The following SLC9A3 variants were observed in gnomAD, a reference collection of about 807,000 sequenced individuals.
The protein encoded by SLC9A3 is solute carrier family 9 member A3.
In SLC9A3, 37 loss-of-function variants were observed where a neutral mutation model predicts 86.8. The observed-to-expected ratio is 0.43, with a 90% CI of 0.33 to 0.56. The LOEUF is 0.56. SLC9A3 is among the 20% of genes least tolerant of loss of function. The pLI is 0.06. For missense variants in SLC9A3, 1,011 were observed against 1,171.9 expected, an observed-to-expected ratio of 0.86 and a Z score of 2.00; for synonymous variants, 581 against 528.3, an observed-to-expected ratio of 1.10 and a Z score of -1.37.
At chr5:475,981 G>A in intron 14 of SLC9A3, 39 bp downstream of exon 14, 1 of 1,515,492 alleles carries the variant, frequency 6.6e-7, no homozygotes, top group Non-Finnish European at 9.0e-7. Flanking sequence ...GGAGGTGGTG[G>A]CTCCCAGTCC....
At chr5:493,699 G>C (rs1579797877) in intron 1 of SLC9A3, among the ~76,000 whole-genome samples, 1 of 152,250 alleles carries the variant, frequency 6.6e-6, no homozygotes, top group African/African-American at 2.4e-5. Flanking sequence ...TGCTGCTCCA[G>C]ATTCCAAAAC....
chr5:496,192 G>A lies in SLC9A3; in HGVS notation c.212-4121C>T. Among the ~76,000 whole-genome samples the A allele has an allele frequency of 6.6e-6, 1 of 152,280 alleles. No individual in the cohort carries two copies. Among genetic ancestry groups the A allele is most frequent in the East Asian group, 1.9e-4 (1 of 5,208 alleles). On this transcript the variant is annotated intron_variant, in intron 1 of 16. Coordinates refer to ENST00000264938, the MANE Select transcript of SLC9A3 (RefSeq NM_004174.4). The surrounding 1 kb of genome is among the most constrained non-coding windows in gnomAD (Gnocchi z 4.7). ...TGGAACATTCTGCCATCCGGGGTTG[G>A]AAAGGGTGTTGGACACGCCTTTCCC...
At position 475,145 on chromosome 5, in the gene SLC9A3, G is replaced by A. The variant is rs760091656; in HGVS notation, c.2252-13C>T. 3 of 1,560,478 alleles carry A rather than the reference G, an allele frequency of 1.9e-6. No individual in the cohort carries two copies. Among genetic ancestry groups the A allele is most frequent in the African/African-American group, 2.7e-5 (2 of 73,600 alleles). The stretch of plus-strand genomic sequence containing the variant: ...GGGTTGTCAATTCCTAGGAGAGAGG[G>A]CAGCGGCTAGTCAGCCTTCGGAGAG... On this transcript the variant is annotated splice_polypyrimidine_tract_variant and intron_variant, in intron 15 of 16. Coordinates refer to ENST00000264938, the MANE Select transcript of SLC9A3 (RefSeq NM_004174.4).
chr5:482,346 A>C (rs1013712230), intron 7 of SLC9A3, among the ~76,000 whole-genome samples, 189 bp from the exon 8 acceptor site: 1 of 152,108 alleles, frequency 6.6e-6, no homozygotes, highest in African/African-American at 2.4e-5. Context: ...TCCACCAGCG[A>C]AGGCCCGGGA....
chr5:495,111 C>T (rs183050689), intron 1 of SLC9A3, among the ~76,000 whole-genome samples: 1 of 131,030 alleles, frequency 7.6e-6, no homozygotes, highest in Non-Finnish European at 1.8e-5. Context: ...GCGCCGTGGC[C>T]GCAGGTCAGA....
intron 3 of SLC9A3, among the ~76,000 whole-genome samples, chr5:487,908 T>C (rs1210991008): frequency 6.6e-6 from 1 of 152,146 alleles, no homozygotes; most frequent in Non-Finnish European, 1.5e-5. Context: ...CCTCAGGTGA[T>C]CCACCTGCCT....
In SLC9A3 at chr5:484,702, G is replaced by A. The variant is rs552808179; in HGVS notation, c.755-5C>T. 2.7e-5 allele frequency: 43 copies of A among 1,612,484 alleles called. No individual in the cohort carries two copies. Among genetic ancestry groups the A allele is most frequent in the East Asian group, 2.2e-4 (10 of 44,858 alleles). ...GGCTCACCACGAAGAAGGACACTGG[G>A]TAGAGGACGCCCTTTGTGGCCGTGC... is the stretch of plus-strand genomic sequence containing the variant. On this transcript the variant is annotated splice_region_variant and splice_polypyrimidine_tract_variant and intron_variant, in intron 4 of 16. Transcript: ENST00000264938.
intron 1 of SLC9A3, among the ~76,000 whole-genome samples, chr5:508,425 G>A (rs1483673564): frequency 1.5e-5 from 2 of 134,176 alleles, no homozygotes; most frequent in East Asian, 2.3e-4. Context: ...TGGAGATGCC[G>A]CAGGGAGACG....
chr5:493,719 G>A lies in SLC9A3; in HGVS notation c.212-1648C>T, dbSNP rs561659142. 6.8e-4 allele frequency among the ~76,000 whole-genome samples: 104 copies of A among 152,316 alleles called. 1 individual carries two copies. Among genetic ancestry groups the A allele is most frequent in the African/African-American group, 2.3e-3 (97 of 41,574 alleles). On this transcript the variant is annotated intron_variant, in intron 1 of 16. Coordinates refer to ENST00000264938, the MANE Select transcript of SLC9A3 (RefSeq NM_004174.4). ...CTCCAGATTCCAAAACACCAGCCCC[G>A]GGAGGGATCGGGGTTCAGAGGCTCC...
In SLC9A3 at chr5:479,883, C is replaced by T; in HGVS notation, c.1600G>A (p.Val534Ile). ...AQKSRDRILN[V>I]FHELNLKDAI... ...TCCTTCAGGTTCAGCTCGTGGAAGA[C>T]ATTCAGGATCCGGTCTCGAGACTTC... The change falls in exon 10 of 17, where the codon GTC becomes ATC. Residue 534 changes from valine to isoleucine, a missense_variant. This residue lies in a region of SLC9A3 where 565 missense variants were observed against 790.0 expected (regional missense o/e 0.72). Transcript: ENST00000264938. The T allele has an allele frequency of 6.2e-7, 1 of 1,613,994 alleles. No individual in the cohort carries two copies. The highest frequency in any genetic ancestry group is 1.1e-5 in the South Asian group (1 of 91,086).
At chr5:488,565 T>C in intron 2 of SLC9A3, 89 bp from the exon 3 acceptor site, 1 of 1,340,936 alleles carries the variant, frequency 7.5e-7, no homozygotes, top group Non-Finnish European at 1.0e-6. Context: ...CGGGTCGGGG[T>C]TCGGAGCCCG....
intron 1 of SLC9A3, among the ~76,000 whole-genome samples, chr5:503,999 C>A (rs1480794495): frequency 6.6e-6 from 1 of 152,052 alleles, no homozygotes; most frequent in Non-Finnish European, 1.5e-5. Context: ...CACACTTCAC[C>A]CTCTCTTCTC....
chr5:523,738 A>G (rs1733951658), intron 1 of SLC9A3, among the ~76,000 whole-genome samples: 1 of 152,158 alleles, frequency 6.6e-6, no homozygotes. Context: ...CATCACTCCA[A>G]GGACGTTTCT....
chr5:518,643 C>T (rs920433093), intron 1 of SLC9A3, among the ~76,000 whole-genome samples: 2 of 152,220 alleles, frequency 1.3e-5, no homozygotes, highest in South Asian at 2.1e-4. Context: ...AAACATGCCC[C>T]AGTGCAGCCC....
intron 1 of SLC9A3, among the ~76,000 whole-genome samples, chr5:508,919 G>C (rs1579818939): frequency 6.6e-6 from 1 of 151,694 alleles, no homozygotes; most frequent in Non-Finnish European, 1.5e-5. Context: ...GACCAGCCTG[G>C]GCATCATAGT....
chr5:513,078 C>G (rs1027689952), intron 1 of SLC9A3, among the ~76,000 whole-genome samples: 2 of 152,102 alleles, frequency 1.3e-5, no homozygotes, highest in African/African-American at 4.8e-5. Flanking sequence ...GATACTGAGA[C>G]TTAGGAACCT....
chr5:477,942 C>T (rs1738863904), intron 10 of SLC9A3: 1 of 154,044 alleles, frequency 6.5e-6, no homozygotes, highest in African/African-American at 2.4e-5. Context: ...CCTCAGACCC[C>T]ACCCGCCTGA....
In SLC9A3 at chr5:479,797, G is replaced by A. The variant is rs202041506; in HGVS notation, c.1647+39C>T. On this transcript the variant is annotated intron_variant, in intron 10 of 16. Transcript: ENST00000264938. ...GCACCCACAGCCAGTGCCAGAGCCT[G>A]CTGCAGCCCCGACCCGGCAGAGCAA... is the stretch of plus-strand genomic sequence containing the variant. 12 of 1,608,218 alleles carry A rather than the reference G, an allele frequency of 7.5e-6. No homozygotes were observed. The East Asian group carries it at 2.7e-4, about 36-fold the overall frequency.
intron 1 of SLC9A3, among the ~76,000 whole-genome samples, chr5:492,452 T>TG: frequency 1.4e-4 from 7 of 49,018 alleles, no homozygotes; most frequent in Admixed American, 2.4e-4. Context: ...GGCAGAGCCC[T>TG]CGGGGGAGGG....
Sources: gnomAD v4.1 joint callset for allele counts (sites outside exome capture counted in the v4.1 genomes callset) on GRCh38, gnomAD v4.1.1 for gene constraint, gnomAD v4.1.1 regional missense constraint, Gnocchi (gnomAD v3.1) non-coding constraint, MANE v1.5 for transcripts, NCBI Gene and HGNC (gene_info 2026-07-23, HGNC 2026-07-21) for gene names.